NDUFS4: variants seen among roughly 807,000 people sequenced by gnomAD.
NDUFS4 encodes the protein NADH dehydrogenase [ubiquinone] iron-sulfur protein 4, mitochondrial.
In NDUFS4, 28 loss-of-function variants were observed where a neutral mutation model predicts 24.3. The ratio of observed to expected loss-of-function variants is 1.15; its 90% CI spans 0.85 to 1.58. The LOEUF (loss-of-function observed/expected upper bound fraction) is 1.58. Ranked by LOEUF, NDUFS4 falls within the 40% of genes most tolerant of loss-of-function variation. NDUFS4 has a pLI of 0.00. For synonymous variants in NDUFS4, 93 were observed against 69.7 expected (o/e 1.34, Z -1.67); for missense variants, 223 against 207.9 (o/e 1.07, Z -0.45).
chr5:53,683,066 G>A, intron 4 of NDUFS4, 52 bp from the exon 5 acceptor site: 1 of 1,181,692 alleles, frequency 8.5e-7, no homozygotes, highest in Non-Finnish European at 1.3e-6. Context: ...TGCTTTTCAG[G>A]TATCCTCTTT....
At chr5:53,625,527 C>T (rs1021004741) in intron 2 of NDUFS4, among the ~76,000 whole-genome samples, 5 of 152,082 alleles carry the variant, frequency 3.3e-5, no homozygotes, top group Admixed American at 2.6e-4. Context: ...GTCACTGAGG[C>T]CCAGTTTGAC....
intron 2 of NDUFS4, among the ~76,000 whole-genome samples, chr5:53,611,585 T>TA (rs532628473): frequency 9.7e-4 from 142 of 146,022 alleles, no homozygotes; most frequent in Admixed American, 2.1e-3. Context: ...GCACAATGCT[T>TA]AAAAAAAAAA....
At chr5:53,592,607 A>T (rs1442161645) in intron 1 of NDUFS4, among the ~76,000 whole-genome samples, 2 of 151,614 alleles carry the variant, frequency 1.3e-5, no homozygotes, top group Admixed American at 1.3e-4. Context: ...AAGTTTTTGC[A>T]TGTGGATGTC....
At chr5:53,610,260 GA>G (rs1208079095) in intron 2 of NDUFS4, among the ~76,000 whole-genome samples, 1 of 152,154 alleles carries the variant, frequency 6.6e-6, no homozygotes, top group African/African-American at 2.4e-5. Flanking sequence ...GAGGCCCAAG[GA>G]AAGGGTGAGG....
intron 4 of NDUFS4, among the ~76,000 whole-genome samples, chr5:53,670,026 G>A (rs962682477): frequency 3.3e-5 from 5 of 151,940 alleles, no homozygotes; most frequent in African/African-American, 7.2e-5. Flanking sequence ...ACTAATGAAT[G>A]TTTTCCTGTC....
At chr5:53,585,371 T>C (rs1230286588) in intron 1 of NDUFS4, among the ~76,000 whole-genome samples, 1 of 152,048 alleles carries the variant, frequency 6.6e-6, no homozygotes, top group Non-Finnish European at 1.5e-5. Flanking sequence ...AATTGTTGAG[T>C]TTTTCCTAAA....
At chr5:53,629,586 A>T (rs1751342430) in intron 2 of NDUFS4, among the ~76,000 whole-genome samples, 1 of 152,214 alleles carries the variant, frequency 6.6e-6, no homozygotes, top group African/African-American at 2.4e-5. Context: ...ATATACGTTT[A>T]GGATAGTTAG....
chr5:53,663,641 A>T (rs1343366486), intron 4 of NDUFS4, among the ~76,000 whole-genome samples: 1 of 152,148 alleles, frequency 6.6e-6, no homozygotes, highest in Admixed American at 6.5e-5. Flanking sequence ...TTTATCAGAG[A>T]CTAGGATTGC....
intron 1 of NDUFS4, among the ~76,000 whole-genome samples, chr5:53,586,879 A>G (rs1749774993): frequency 6.6e-6 from 1 of 151,982 alleles, no homozygotes; most frequent in African/African-American, 2.4e-5. Context: ...GCAGGAGTGC[A>G]TTGGCACAAT....
intron 2 of NDUFS4, among the ~76,000 whole-genome samples, chr5:53,635,553 C>A (rs1751527233): frequency 6.6e-6 from 1 of 151,900 alleles, no homozygotes; most frequent in African/African-American, 2.4e-5. Context: ...AAAAAAGAAT[C>A]CTGAAGTATT....
At chr5:53,626,096 C>T (rs1482015671) in intron 2 of NDUFS4, among the ~76,000 whole-genome samples, 1 of 152,030 alleles carries the variant, frequency 6.6e-6, no homozygotes, top group East Asian at 1.9e-4. Flanking sequence ...TCCAAGTGTT[C>T]TCATTGTTCA....
intron 2 of NDUFS4, among the ~76,000 whole-genome samples, chr5:53,607,394 A>G (rs1750555669): frequency 6.6e-6 from 1 of 152,220 alleles, no homozygotes; most frequent in Admixed American, 6.5e-5. Context: ...TTTATCTGCC[A>G]CAAATCTCAG....
chr5:53,616,621 AAGG>A (rs1750848001), intron 2 of NDUFS4, among the ~76,000 whole-genome samples: 1 of 152,114 alleles, frequency 6.6e-6, no homozygotes, highest in Non-Finnish European at 1.5e-5. Flanking sequence ...CATAATAAGA[AAGG>A]AGGAGAATGA....
chr5:53,576,440 A>G (rs1749390058), intron 1 of NDUFS4, among the ~76,000 whole-genome samples: 1 of 152,190 alleles, frequency 6.6e-6, no homozygotes, highest in Non-Finnish European at 1.5e-5. Flanking sequence ...CTGTCTCTGA[A>G]TGACAGCTAC....
intron 1 of NDUFS4, among the ~76,000 whole-genome samples, chr5:53,572,957 G>GTTT (rs796960315): frequency 2.9e-4 from 30 of 103,322 alleles, no homozygotes; most frequent in African/African-American, 5.4e-4. Flanking sequence ...GTTGTTTTTT[G>GTTT]TTTTTTTTTT....
chr5:53,574,656 G>C (rs1167489795), intron 1 of NDUFS4, among the ~76,000 whole-genome samples: 1 of 152,004 alleles, frequency 6.6e-6, no homozygotes, highest in African/African-American at 2.4e-5. Context: ...AAGATATGTT[G>C]TATTTTCATT....
chr5:53,654,601 G>A (rs943517184), intron 3 of NDUFS4, among the ~76,000 whole-genome samples: 1 of 151,816 alleles, frequency 6.6e-6, no homozygotes, highest in Non-Finnish European at 1.5e-5. Context: ...TTTCTGAATG[G>A]TGCTAATCAA....
intron 1 of NDUFS4, among the ~76,000 whole-genome samples, chr5:53,590,013 C>G (rs1374194960): frequency 1.3e-5 from 2 of 152,050 alleles, no homozygotes; most frequent in Non-Finnish European, 2.9e-5. Flanking sequence ...TCTAGAGAAC[C>G]CTGACTAATA....
intron 1 of NDUFS4, among the ~76,000 whole-genome samples, chr5:53,574,504 A>C (rs1348397944): frequency 2.0e-5 from 3 of 152,198 alleles, no homozygotes; most frequent in African/African-American, 7.2e-5. Flanking sequence ...GTTTATGAAG[A>C]ATACTGATCT....
Sources: gnomAD v4.1 joint callset for allele counts (sites outside exome capture counted in the v4.1 genomes callset) on GRCh38, gnomAD v4.1.1 for gene constraint, MANE v1.5 for transcripts, NCBI Gene and HGNC (gene_info 2026-07-23, HGNC 2026-07-21) for gene names.